Variants in ADAMTSL1 observed in about 807,000 individuals in gnomAD.
ADAMTSL1 encodes the protein ADAMTS like 1, also known as ADAMTS-like protein 1.
ADAMTSL1 carries 126 observed loss-of-function variants against 201.8 expected under a neutral mutation model. That is an observed-to-expected ratio of 0.62 (90% CI 0.54 to 0.72). ADAMTSL1 has a LOEUF of 0.72. ADAMTSL1 is among the 30% of genes least tolerant of loss of function. The probability of loss-of-function intolerance (pLI) is 0.00; values close to 1 mark genes in which losing one functional copy is unlikely to be tolerated. For synonymous variants in ADAMTSL1, 1,121 were observed against 903.4 expected (o/e 1.24, Z -4.32); for missense variants, 2,679 against 2,277.8 (o/e 1.18, Z -3.59).
intron 16 of ADAMTSL1, 72 bp downstream of exon 16, chr9:18,753,580 G>C (rs1439056554): frequency 2.6e-6 from 4 of 1,514,476 alleles, no homozygotes; most frequent in Non-Finnish European, 3.6e-6. Context: ...TGCTCTCTCA[G>C]AGTGGTTTTG....
chr9:18,383,235 T>C lies in ADAMTSL1; in HGVS notation c.208-121594T>C, dbSNP rs570854235. ...AAATGTCGCAAAGTCTTCTATACTTTCTTGTAGCTATTGTCTTTCCCTGAC... is the reference window on the plus strand; with the variant it reads ...AAATGTCGCAAAGTCTTCTATACTTCCTTGTAGCTATTGTCTTTCCCTGAC... On this transcript the variant is annotated intron_variant, in intron 2 of 29. Transcript: ENST00000680146. Among the ~76,000 whole-genome samples, 11 of 152,270 alleles carry C rather than the reference T, an allele frequency of 7.2e-5. No homozygotes were observed. The South Asian group carries it at 2.1e-3, about 29-fold the overall frequency.
intron 2 of ADAMTSL1, among the ~76,000 whole-genome samples, chr9:18,166,095 CTGTT>C (rs570149253): frequency 7.2e-5 from 11 of 151,902 alleles, no homozygotes; most frequent in East Asian, 1.9e-4. Flanking sequence ...GCAGCATACT[CTGTT>C]TGTACAAACC....
chr9:18,656,141 TAA>T (rs1347759816), intron 7 of ADAMTSL1, among the ~76,000 whole-genome samples: 1 of 152,106 alleles, frequency 6.6e-6, no homozygotes, highest in African/African-American at 2.4e-5. Flanking sequence ...TATTCCCATC[TAA>T]ACTCCAAAAA....
intron 2 of ADAMTSL1, among the ~76,000 whole-genome samples, chr9:18,518,695 T>C (rs1021329827): frequency 1.3e-5 from 2 of 152,214 alleles, no homozygotes; most frequent in African/African-American, 4.8e-5. Context: ...AATGGTAATA[T>C]GGTTTTCTTT....
chr9:18,386,483 A>C (rs1837796201), intron 2 of ADAMTSL1, among the ~76,000 whole-genome samples: 2 of 152,092 alleles, frequency 1.3e-5, no homozygotes, highest in Admixed American at 1.3e-4. Flanking sequence ...CTTCATGCAA[A>C]ATTTTAAAAT....
chr9:18,899,276 C>A (rs1050273924), intron 26 of ADAMTSL1, among the ~76,000 whole-genome samples: 2 of 152,082 alleles, frequency 1.3e-5, no homozygotes, highest in Non-Finnish European at 1.5e-5. Flanking sequence ...ATCTACAAAC[C>A]ACTGCTCGAG....
chr9:17,946,648 C>G (rs1827500110), intron 1 of ADAMTSL1, among the ~76,000 whole-genome samples: 1 of 152,026 alleles, frequency 6.6e-6, no homozygotes, highest in Admixed American at 6.6e-5. Context: ...ATTTTTCCCA[C>G]CAGTAGAAGC....
At chr9:18,213,016 G>A (rs1297550910) in intron 2 of ADAMTSL1, among the ~76,000 whole-genome samples, 2 of 152,126 alleles carry the variant, frequency 1.3e-5, no homozygotes, top group East Asian at 1.9e-4. Flanking sequence ...ATCTTTAGCC[G>A]TTAGTGTATT....
intron 2 of ADAMTSL1, among the ~76,000 whole-genome samples, chr9:18,265,755 G>A (rs1832096402): frequency 6.6e-6 from 1 of 152,056 alleles, no homozygotes; most frequent in Admixed American, 6.6e-5. Context: ...ATTACACATG[G>A]TATACAGTTC....
intron 2 of ADAMTSL1, among the ~76,000 whole-genome samples, chr9:18,180,631 A>G (rs1355268741): frequency 2.0e-5 from 3 of 152,060 alleles, no homozygotes; most frequent in Admixed American, 6.6e-5. Context: ...CAAGGAAATA[A>G]AAGAGGATAC....
At position 18,891,449 on chromosome 9, in the gene ADAMTSL1, G is replaced by C. The variant is rs373869233; in HGVS notation, c.4644-940G>C. Among the ~76,000 whole-genome samples the C allele has an allele frequency of 3.9e-5, 6 of 152,284 alleles. 1 individual carries two copies. Among genetic ancestry groups the C allele is most frequent in the Admixed American group, 2.6e-4 (4 of 15,308 alleles). ...CCCCAAGCTCTCTCCTTCTCTTTGA[G>C]AATTACCACAGGGTGCACACATGCA... On this transcript the variant is annotated intron_variant, in intron 25 of 28. Coordinates refer to ENST00000380548, the MANE Select transcript of ADAMTSL1 (RefSeq NM_001040272.6).
At chr9:18,031,152 T>A (rs539560541) in intron 1 of ADAMTSL1, among the ~76,000 whole-genome samples, 1 of 152,222 alleles carries the variant, frequency 6.6e-6, no homozygotes, top group African/African-American at 2.4e-5. Context: ...ATTCTATGTC[T>A]ATGCTTCAGA....
intron 1 of ADAMTSL1, among the ~76,000 whole-genome samples, chr9:17,991,550 G>A (rs1036551071): frequency 2.0e-5 from 3 of 152,050 alleles, no homozygotes; most frequent in Admixed American, 2.0e-4. Flanking sequence ...AGGGGTGAAT[G>A]GTTTTGGTAT....
intron 2 of ADAMTSL1, among the ~76,000 whole-genome samples, chr9:18,342,491 C>T (rs1263334053): frequency 6.6e-6 from 1 of 152,128 alleles, no homozygotes; most frequent in African/African-American, 2.4e-5. Context: ...CATAGCTTGT[C>T]TCATTTTAGT....
intron 2 of ADAMTSL1, among the ~76,000 whole-genome samples, chr9:18,190,823 A>C (rs1432144894): frequency 6.6e-6 from 1 of 152,180 alleles, no homozygotes; most frequent in Non-Finnish European, 1.5e-5. Flanking sequence ...CCATGACAAG[A>C]CTGGAAAGAC....
At chr9:18,286,881 A>G (rs762306361) in intron 2 of ADAMTSL1, among the ~76,000 whole-genome samples, 4 of 152,206 alleles carry the variant, frequency 2.6e-5, no homozygotes, top group Admixed American at 6.5e-5. Context: ...TCCCTTAAAT[A>G]ACAAAGAGAA....
At chr9:18,740,034 C>A (rs1365156965) in intron 15 of ADAMTSL1, among the ~76,000 whole-genome samples, 1 of 152,110 alleles carries the variant, frequency 6.6e-6, no homozygotes, top group Non-Finnish European at 1.5e-5. Flanking sequence ...ACAGGGAGAT[C>A]TCTGCATGGG....
intron 2 of ADAMTSL1, among the ~76,000 whole-genome samples, chr9:18,441,143 T>A (rs953763355): frequency 6.6e-6 from 1 of 151,976 alleles, no homozygotes; most frequent in Non-Finnish European, 1.5e-5. Flanking sequence ...AAAAAGTAGA[T>A]TAGTAGCTAT....
At chr9:18,209,213 ATGTT>A (rs1306827861) in intron 2 of ADAMTSL1, among the ~76,000 whole-genome samples, 2 of 149,656 alleles carry the variant, frequency 1.3e-5, no homozygotes, top group Non-Finnish European at 3.0e-5. Context: ...GTTGAAAAAA[ATGTT>A]TGAGACAAAA....
Sources: gnomAD v4.1 joint callset for allele counts (sites outside exome capture counted in the v4.1 genomes callset) on GRCh38, gnomAD v4.1.1 for gene constraint, MANE v1.5 for transcripts, NCBI Gene and HGNC (gene_info 2026-07-23, HGNC 2026-07-21) for gene names.